Variants in ARMC9 observed in about 807,000 individuals in gnomAD.
The protein encoded by ARMC9 is armadillo repeat containing 9, also known as lisH domain-containing protein ARMC9.
A neutral mutation model predicts 107.0 loss-of-function variants in ARMC9; 94 were observed. The ratio of observed to expected loss-of-function variants is 0.88; its 90% confidence interval spans 0.74 to 1.04. The LOEUF is 1.04. Ranked by LOEUF, ARMC9 falls within the 50% of genes least tolerant of loss-of-function variation. ARMC9 has a pLI of 0.00. For synonymous variants in ARMC9, 380 were observed against 396.9 expected (o/e 0.96, Z 0.51); for missense variants, 942 against 1,030.1 (o/e 0.91, Z 1.17).
At chr2:231,278,056 G>T (rs549066794) in intron 15 of ARMC9, among the ~76,000 whole-genome samples, 1 of 152,118 alleles carries the variant, frequency 6.6e-6, no homozygotes, top group South Asian at 2.1e-4. Flanking sequence ...GTAATGACTC[G>T]CTCTGTGCTC....
rs148497346 is a variant in ARMC9, at chr2:231,324,454, T to TAA, written c.1774-7325_1774-7324dup. Reference sequence around the variant, plus strand: ...AATTAAAAAACAGCTTTGTTTTAATTAAAAAAAAAAAAAAAGGCCAAGCAC... The same window carrying TAA: ...AATTAAAAAACAGCTTTGTTTTAATTAAAAAAAAAAAAAAAAAGGCCAAGCAC... On this transcript the variant is annotated intron_variant, in intron 19 of 24. Transcript: ENST00000611582. 3.6e-3 allele frequency among the ~76,000 whole-genome samples: 467 copies of TAA among 129,426 alleles called. 2 individuals carry two copies. Among genetic ancestry groups the TAA allele is most frequent in the African/African-American group, 0.012 (419 of 35,620 alleles). 84.9% of individuals were successfully genotyped at this position (129,426 alleles called of 152,430 possible). A position where few individuals can be genotyped will look rare whatever the true frequency, so the allele number is the denominator to read the frequency against.
intron 7 of ARMC9, among the ~76,000 whole-genome samples, chr2:231,227,088 A>G (rs1301952068): frequency 6.6e-6 from 1 of 152,186 alleles, no homozygotes. Flanking sequence ...TTTTCCCTAG[A>G]AGGTGTAGGG....
intron 9 of ARMC9, among the ~76,000 whole-genome samples, chr2:231,251,696 A>G (rs925764899): frequency 1.3e-5 from 2 of 152,142 alleles, no homozygotes; most frequent in Non-Finnish European, 2.9e-5. Context: ...TGCTTGCCAA[A>G]TGCATGAAAT....
chr2:231,313,166 A>G (rs1232283360), intron 19 of ARMC9, among the ~76,000 whole-genome samples: 1 of 152,152 alleles, frequency 6.6e-6, no homozygotes, highest in Admixed American at 6.5e-5. Flanking sequence ...ATTTGCTTTA[A>G]GCATATATGT....
At chr2:231,232,363 C>G (rs74769536) in intron 7 of ARMC9, among the ~76,000 whole-genome samples, 11,418 of 151,886 alleles carry the variant, frequency 0.075, 571 homozygotes, top group South Asian at 0.21. Context: ...TAGTGACCCC[C>G]TTTCCCTAAT....
chr2:231,222,590 T>G, intron 5 of ARMC9, 138 bp from the exon 6 acceptor site: 2 of 504,080 alleles, frequency 4.0e-6, no homozygotes, highest in Non-Finnish European at 7.1e-6. Flanking sequence ...GACCTGTTTT[T>G]CACAGCCTCA....
At chr2:231,237,576 C>T (rs910019651) in intron 8 of ARMC9, among the ~76,000 whole-genome samples, 1 of 151,490 alleles carries the variant, frequency 6.6e-6, no homozygotes, top group African/African-American at 2.4e-5. Context: ...AATGTCTACT[C>T]CCCCAGTAGT....
rs559421985 is a variant in ARMC9 at position 231,319,708 on chromosome 2, C to A, written c.1774-12085C>A. On this transcript the variant is annotated intron_variant, in intron 19 of 24. Coordinates refer to ENST00000611582, the MANE Select transcript of ARMC9 (RefSeq NM_001352754.2). ...ACATCCTGGCTTAAGCCTCACACCC[C>A]TCTCTGTACTAACTTCCCAGCCTTC... Among the ~76,000 whole-genome samples, 4 of 152,318 alleles carry A rather than the reference C, an allele frequency of 2.6e-5. No homozygotes were observed. In the South Asian group the frequency reaches 8.3e-4, roughly 32 times the overall value.
At chr2:231,247,159 G>T (rs1176731018) in intron 9 of ARMC9, among the ~76,000 whole-genome samples, 2 of 152,142 alleles carry the variant, frequency 1.3e-5, no homozygotes, top group Admixed American at 6.5e-5. Context: ...GTTTCACCGT[G>T]TTAGCCAGGA....
intron 17 of ARMC9, chr2:231,288,852 A>C (rs2040796025): frequency 2.7e-6 from 1 of 369,458 alleles, no homozygotes. Context: ...ACATCTGCAC[A>C]TGACAAATTG....
intron 17 of ARMC9, among the ~76,000 whole-genome samples, chr2:231,286,209 G>A (rs1002811333): frequency 5.3e-5 from 8 of 152,022 alleles, no homozygotes; most frequent in Non-Finnish European, 7.4e-5. Context: ...TCCGCCTCCC[G>A]AGTTCAAGCA....
Position 231,296,205 on chromosome 2 carries a change from AC to A in ARMC9, c.1727del (p.Pro576GlnfsTer31). 1 of 1,613,170 alleles carries A rather than the reference AC, an allele frequency of 6.2e-7. No individual in the cohort carries two copies. Among genetic ancestry groups the A allele is most frequent in the Non-Finnish European group, 8.5e-7 (1 of 1,179,394 alleles). ...TTCTTTTTTTCTTTATAGAAGAGCTACCAGATGGTGTTCTTGAATCTGATGA... is the reference window on the plus strand; with the variant it reads ...TTCTTTTTTTCTTTATAGAAGAGCTACAGATGGTGTTCTTGAATCTGATGA... ...IIKQLNSEELPDGVLESDDDE... is the reference protein window; with the variant it reads ...IIKQLNSEELXDGVLESDDDE... On this transcript the variant is annotated frameshift_variant, in exon 19 of 25. Transcript: ENST00000611582. LOFTEE classifies it high-confidence loss of function.
rs529511960 is a variant in ARMC9 at position 231,270,866 on chromosome 2, T to G, written c.1120-116T>G. 3 of 870,860 alleles carry G rather than the reference T, an allele frequency of 3.4e-6. No homozygotes were observed. In the South Asian group the frequency reaches 4.5e-5, roughly 13 times the overall value. The allele number at this position is 870,860 out of a possible 1,614,324, so 53.9% of individuals were successfully genotyped here. ...ATGAAATGTTTGGCTTTAGTCTGTT[T>G]ATTTCACCTCTAATAAATTCAGGCA... On this transcript the variant is annotated intron_variant, in intron 12 of 24. Coordinates refer to ENST00000611582, the MANE Select transcript of ARMC9 (RefSeq NM_001352754.2).
Position 231,221,666 on chromosome 2 carries a change from C to CAAA in ARMC9, c.505-1050_505-1048dup, listed in dbSNP as rs535605605. Among the ~76,000 whole-genome samples, 434 of 134,566 alleles carry CAAA rather than the reference C, an allele frequency of 3.2e-3. 2 individuals carry two copies. The highest frequency in any genetic ancestry group is 0.011 in the African/African-American group (416 of 36,700). 88.3% of individuals were successfully genotyped at this position (134,566 alleles called of 152,430 possible). A position where few individuals can be genotyped will look rare whatever the true frequency, so the allele number is the denominator to read the frequency against. ...CAACATGGTGAAACCCCGTCTCTAC[C>CAAA]AAAAAAAAAAAAAATACAAAAATTA... On this transcript the variant is annotated intron_variant, in intron 5 of 24. Coordinates refer to ENST00000611582, the MANE Select transcript of ARMC9 (RefSeq NM_001352754.2).
rs1185214144 is a variant in ARMC9 at position 231,297,361 on chromosome 2, C to T, written c.1773+1108C>T. On this transcript the variant is annotated intron_variant, in intron 19 of 24. Coordinates refer to ENST00000611582, the MANE Select transcript of ARMC9 (RefSeq NM_001352754.2). This position sits in a 1 kb window ranked among gnomAD's most constrained non-coding sequence, Gnocchi z 4.2. ...GTGGAGGCAGAGGGAAAAACACCAGCTTGAGCTCACACAGAGAGTTGATGG... is the reference window on the plus strand; with the variant it reads ...GTGGAGGCAGAGGGAAAAACACCAGTTTGAGCTCACACAGAGAGTTGATGG... Among the ~76,000 whole-genome samples the T allele has an allele frequency of 6.6e-6, 1 of 152,174 alleles. No homozygotes were observed. The highest frequency in any genetic ancestry group is 2.4e-5 in the African/African-American group (1 of 41,440).
chr2:231,365,797 G>A (rs549629124), intron 23 of ARMC9, among the ~76,000 whole-genome samples: 5 of 152,056 alleles, frequency 3.3e-5, no homozygotes, highest in Non-Finnish European at 5.9e-5. Context: ...TTCATGTGTC[G>A]TTTCTTTTTC....
chr2:231,224,225 T>C (rs1574658184), intron 6 of ARMC9, among the ~76,000 whole-genome samples: 1 of 152,344 alleles, frequency 6.6e-6, no homozygotes, highest in South Asian at 2.1e-4. Context: ...GGCGGGAGGA[T>C]CACTTGAGCC....
intron 7 of ARMC9, among the ~76,000 whole-genome samples, chr2:231,230,761 A>G (rs57418928): frequency 0.12 from 17,978 of 152,222 alleles, 2,065 homozygotes; most frequent in African/African-American, 0.29. Context: ...TACCTAATAC[A>G]GTGTAAATGG....
At chr2:231,309,706 C>T (rs1001325278) in intron 19 of ARMC9, among the ~76,000 whole-genome samples, 5 of 151,610 alleles carry the variant, frequency 3.3e-5, no homozygotes, top group African/African-American at 4.9e-5. Flanking sequence ...AGGCCATATA[C>T]CACTTTTTAC....
Sources: gnomAD v4.1 joint callset for allele counts (sites outside exome capture counted in the v4.1 genomes callset) on GRCh38, gnomAD v4.1.1 for gene constraint, Gnocchi (gnomAD v3.1) non-coding constraint, MANE v1.5 for transcripts, NCBI Gene and HGNC (gene_info 2026-07-23, HGNC 2026-07-21) for gene names.